MYO10: variants seen among roughly 807,000 people sequenced by gnomAD.
MYO10 encodes unconventional myosin-X.
A neutral mutation model predicts 257.3 loss-of-function variants in MYO10; 133 were observed. The ratio of observed to expected loss-of-function variants is 0.52; its 90% CI spans 0.45 to 0.60. The LOEUF is 0.60. Ranked by LOEUF, MYO10 falls within the 20% of genes least tolerant of loss-of-function variation. MYO10 has a pLI of 0.00. For missense variants in MYO10, 2,399 were observed against 2,635.7 expected (o/e 0.91, Z 1.97); for synonymous variants, 1,104 against 1,028.6 (o/e 1.07, Z -1.40).
chr5:16,840,390 C>T (rs955158355), intron 2 of MYO10, among the ~76,000 whole-genome samples: 15 of 150,138 alleles, frequency 1.0e-4, no homozygotes, highest in African/African-American at 2.0e-4. Context: ...CCAGCCTGGG[C>T]GACAGAGCGA....
intron 1 of MYO10, among the ~76,000 whole-genome samples, chr5:16,919,997 G>A (rs946571190): frequency 7.2e-5 from 11 of 152,202 alleles, no homozygotes; most frequent in African/African-American, 2.7e-4. Flanking sequence ...TGTAGTCCCA[G>A]CTACTCGGGA....
At chr5:16,709,998 T>C (rs886716447) in intron 21 of MYO10, among the ~76,000 whole-genome samples, 1 of 152,224 alleles carries the variant, frequency 6.6e-6, no homozygotes, top group African/African-American at 2.4e-5. Flanking sequence ...CATACGTCTC[T>C]CTCTTCCCCC....
At chr5:16,825,903 C>T (rs905257976) in intron 2 of MYO10, among the ~76,000 whole-genome samples, 11 of 151,890 alleles carry the variant, frequency 7.2e-5, no homozygotes, top group East Asian at 1.9e-4. Flanking sequence ...CCAGCACTTT[C>T]GGAAGCCAAG....
Position 16,680,487 on chromosome 5 carries a change from TTTC to T in MYO10, c.4385-386_4385-384del, listed in dbSNP as rs1247337138. Among the ~76,000 whole-genome samples, 13 of 152,314 alleles carry T rather than the reference TTTC, an allele frequency of 8.5e-5. No individual in the cohort carries two copies. The East Asian group carries it at 2.5e-3, about 29-fold the overall frequency. On this transcript the variant is annotated intron_variant, in intron 32 of 40. Transcript: ENST00000513610. ...TCTTACTTCCTATTTCTTCCTTTCC[TTTC>T]TTTAGCCTCTCCCTTCAGAAGACAG...
At chr5:16,715,845 C>T (rs1275106175) in intron 19 of MYO10, among the ~76,000 whole-genome samples, 1 of 152,036 alleles carries the variant, frequency 6.6e-6, no homozygotes, top group African/African-American at 2.4e-5. Flanking sequence ...CACCTGAGGT[C>T]AGCAGTTCGA....
At chr5:16,713,779 T>C (rs554355671) in intron 19 of MYO10, among the ~76,000 whole-genome samples, 76 of 152,364 alleles carry the variant, frequency 5.0e-4, no homozygotes, top group African/African-American at 1.8e-3. Context: ...TGTTCAAAGA[T>C]GACACAGCTG....
At chr5:16,859,322 G>A (rs1744048160) in intron 2 of MYO10, among the ~76,000 whole-genome samples, 2 of 152,166 alleles carry the variant, frequency 1.3e-5, no homozygotes. Flanking sequence ...TGTGGTGGAA[G>A]GGACAAACAA....
chr5:16,818,198 A>G, intron 2 of MYO10, 31 bp from the exon 3 acceptor site: 2 of 1,438,658 alleles, frequency 1.4e-6, no homozygotes, highest in Non-Finnish European at 9.3e-7. Context: ...CAATTATTTC[A>G]TTATCAGCAG....
intron 19 of MYO10, among the ~76,000 whole-genome samples, chr5:16,740,516 G>T (rs1159524014): frequency 6.6e-6 from 1 of 152,084 alleles, no homozygotes; most frequent in African/African-American, 2.4e-5. Flanking sequence ...AAATGCAGTG[G>T]TGGAAGCTGC....
intron 1 of MYO10, among the ~76,000 whole-genome samples, chr5:16,893,229 C>G (rs1745119212): frequency 7.9e-6 from 1 of 126,824 alleles, no homozygotes; most frequent in Admixed American, 8.8e-5. Flanking sequence ...CTTACAATTA[C>G]AAGCTACCCC....
chr5:16,740,268 T>G (rs775788176), intron 19 of MYO10, among the ~76,000 whole-genome samples: 18 of 152,114 alleles, frequency 1.2e-4, no homozygotes, highest in Admixed American at 5.9e-4. Flanking sequence ...AAAGTGAGCT[T>G]TAGAACAAAG....
At chr5:16,784,965 G>A (rs764183702) in intron 4 of MYO10, among the ~76,000 whole-genome samples, 2 of 150,924 alleles carry the variant, frequency 1.3e-5, no homozygotes, top group African/African-American at 4.9e-5. Flanking sequence ...ACATAATGTC[G>A]TAATGTCAAG....
intron 2 of MYO10, among the ~76,000 whole-genome samples, chr5:16,869,191 A>ATT (rs70943814): frequency 0.014 from 1,659 of 115,752 alleles, 38 homozygotes; most frequent in African/African-American, 0.04. Flanking sequence ...CACCCGGCTA[A>ATT]TTTTTTTTTT....
rs144382771 is a variant in MYO10 at position 16,763,422 on chromosome 5, T to C, written c.1494+59A>G. The stretch of plus-strand genomic sequence containing the variant: ...GTGCACGTTATTTTGTTCCCATAAA[T>C]ATGAATCAGTCCAGCTGGACCCCCT... On this transcript the variant is annotated intron_variant, in intron 14 of 40. Transcript: ENST00000513610. 1,318 of 1,330,752 alleles carry C rather than the reference T, an allele frequency of 9.9e-4. 12 individuals carry two copies. In the African/African-American group the frequency reaches 0.017, roughly 17 times the overall value. The allele number at this position is 1,330,752 out of a possible 1,614,324, so 82.4% of individuals were successfully genotyped here.
intron 1 of MYO10, among the ~76,000 whole-genome samples, chr5:16,901,835 C>G (rs543529351): frequency 7.2e-5 from 11 of 152,276 alleles, no homozygotes; most frequent in Admixed American, 7.2e-4. Context: ...ATTCCCACCC[C>G]TAACTGCTTG....
At chr5:16,767,020 C>T (rs535583319) in intron 10 of MYO10, among the ~76,000 whole-genome samples, 230 of 152,094 alleles carry the variant, frequency 1.5e-3, no homozygotes, top group African/African-American at 5.4e-3. Context: ...CCACCATGCC[C>T]GGCCTACTAC....
chr5:16,721,077 T>A (rs2126599129), intron 19 of MYO10, among the ~76,000 whole-genome samples: 2 of 152,260 alleles, frequency 1.3e-5, no homozygotes, highest in South Asian at 2.1e-4. Context: ...AACAACCTTA[T>A]CTTCTGATAA....
chr5:16,820,149 C>G (rs1251973258), intron 2 of MYO10, among the ~76,000 whole-genome samples: 1 of 152,232 alleles, frequency 6.6e-6, no homozygotes, highest in Non-Finnish European at 1.5e-5. Flanking sequence ...AGTGAAGAAA[C>G]ATGTAGACCC....
intron 19 of MYO10, among the ~76,000 whole-genome samples, chr5:16,725,848 C>T (rs1473717236): frequency 2.0e-5 from 3 of 148,162 alleles, no homozygotes; most frequent in Non-Finnish European, 3.0e-5. Context: ...AGTGCAGTGG[C>T]GTGATCTTGG....
Sources: gnomAD v4.1 joint callset for allele counts (sites outside exome capture counted in the v4.1 genomes callset) on GRCh38, gnomAD v4.1.1 for gene constraint, MANE v1.5 for transcripts, NCBI Gene and HGNC (gene_info 2026-07-23, HGNC 2026-07-21) for gene names.